The following GTF3C5 variants were observed in gnomAD, a reference collection of about 807,000 sequenced individuals.
GTF3C5 encodes the protein general transcription factor IIIC subunit 5, also known as general transcription factor 3C polypeptide 5.
A neutral mutation model predicts 61.0 loss-of-function variants in GTF3C5; 47 were observed. The observed-to-expected ratio is 0.77, with a 90% CI of 0.61 to 0.98. GTF3C5 has a LOEUF of 0.98. Ranked by LOEUF, GTF3C5 falls within the 50% of genes least tolerant of loss-of-function variation. GTF3C5 has a pLI of 0.00. For synonymous variants in GTF3C5, 295 were observed against 275.4 expected (o/e 1.07, Z -0.71); for missense variants, 659 against 703.3 (o/e 0.94, Z 0.71).
chr9:133,034,844 A>T (rs1849821371), intron 1 of GTF3C5, among the ~76,000 whole-genome samples: 1 of 152,234 alleles, frequency 6.6e-6, no homozygotes, highest in African/African-American at 2.4e-5. Context: ...TCTTTGTTTC[A>T]AACGTAGCAA....
chr9:133,045,282 A>G (rs929879895), intron 3 of GTF3C5, among the ~76,000 whole-genome samples: 2 of 152,032 alleles, frequency 1.3e-5, no homozygotes, highest in Non-Finnish European at 2.9e-5. Flanking sequence ...TGACACCCCC[A>G]TCGTACACAT....
chr9:133,046,525 A>G (rs180849462), intron 3 of GTF3C5, among the ~76,000 whole-genome samples: 1 of 152,266 alleles, frequency 6.6e-6, no homozygotes, highest in African/African-American at 2.4e-5. Context: ...TTTTCTTTGA[A>G]GGGGTGGGAG....
At chr9:133,042,411 T>G in intron 2 of GTF3C5, 105 bp downstream of exon 2, 1 of 781,846 alleles carries the variant, frequency 1.3e-6, no homozygotes, top group Non-Finnish European at 2.2e-6. Flanking sequence ...GGGGCCAGGA[T>G]ATGCCCAGGG....
upstream of GTF3C5, chr9:133,030,902 A>T: frequency 7.9e-7 from 1 of 1,268,778 alleles, no homozygotes; most frequent in African/African-American, 1.5e-5. Flanking sequence ...AGTTAGGATG[A>T]CGCGAGCGGT....
chr9:133,050,407 T>C (rs1302078725), intron 3 of GTF3C5, among the ~76,000 whole-genome samples: 2 of 152,256 alleles, frequency 1.3e-5, no homozygotes, highest in East Asian at 3.8e-4. Context: ...TGCTGGACAT[T>C]AGACTCTGTC....
rs1377902139 is a variant in GTF3C5 at position 133,054,005 on chromosome 9, TTC to T, written c.988+67_988+68del. 3 of 1,037,088 alleles carry T rather than the reference TTC, an allele frequency of 2.9e-6. No individual in the cohort carries two copies. In the African/African-American group the frequency reaches 4.8e-5, roughly 17 times the overall value. 64.2% of individuals were successfully genotyped at this position (1,037,088 alleles called of 1,614,324 possible). On this transcript the variant is annotated intron_variant, in intron 6 of 10. Transcript: ENST00000372097. ...TCTCTTTATCTTTCAGTTTCTAGCATTCTCTTTTGTAGTAAGAATCTTTTCAT... is the reference window on the plus strand; with the variant it reads ...TCTCTTTATCTTTCAGTTTCTAGCATTCTTTTGTAGTAAGAATCTTTTCAT...
At chr9:133,032,369 G>GAGCGATTTCGGTGGGAAGACTA (rs1480035109) in intron 1 of GTF3C5, among the ~76,000 whole-genome samples, 6 of 152,178 alleles carry the variant, frequency 3.9e-5, no homozygotes, top group African/African-American at 1.4e-4. Context: ...GTGACGGGAC[G>GAGCGATTTCGGTGGGAAGACTA]AGCGATTTCG....
upstream of GTF3C5, chr9:133,030,882 G>A (rs544572858): frequency 8.0e-5 from 88 of 1,094,508 alleles, 2 homozygotes; most frequent in South Asian, 1.1e-3. Context: ...GCGTCTTGCT[G>A]AGCCCGGGGA....
intron 3 of GTF3C5, among the ~76,000 whole-genome samples, chr9:133,048,110 C>T (rs1564200601): frequency 6.6e-6 from 1 of 151,730 alleles, no homozygotes; most frequent in Non-Finnish European, 1.5e-5. Context: ...GCCTGGGTGA[C>T]AGAGTGGGAC....
At chr9:133,043,996 C>A (rs1034408959) in intron 3 of GTF3C5, 70 bp downstream of exon 3, 3 of 1,146,210 alleles carry the variant, frequency 2.6e-6, no homozygotes, top group Non-Finnish European at 3.9e-6. Flanking sequence ...CGGAGGCTCA[C>A]ACACTGGGCG....
At chr9:133,056,648 G>T in intron 9 of GTF3C5, 118 bp from the exon 10 acceptor site, 1 of 941,598 alleles carries the variant, frequency 1.1e-6, no homozygotes, top group Non-Finnish European at 1.5e-6. Context: ...TGTAGACTTC[G>T]CTCACGGGGC....
At chr9:133,030,910 G>T, upstream of GTF3C5, 1 of 1,338,158 alleles carries the variant, frequency 7.5e-7, no homozygotes, top group Non-Finnish European at 1.1e-6. Context: ...TGACGCGAGC[G>T]GTGAGGGAGC....
intron 3 of GTF3C5, among the ~76,000 whole-genome samples, chr9:133,044,993 A>C (rs1363697208): frequency 6.6e-6 from 1 of 151,956 alleles, no homozygotes; most frequent in African/African-American, 2.4e-5. Context: ...GGTTCTTGAC[A>C]TAATTAGAGA....
At chr9:133,046,688 C>T (rs1278026002) in intron 3 of GTF3C5, among the ~76,000 whole-genome samples, 1 of 152,130 alleles carries the variant, frequency 6.6e-6, no homozygotes, top group Non-Finnish European at 1.5e-5. Context: ...GAGTACATGG[C>T]TGGGAGCCTT....
rs373718885 is a variant in GTF3C5, at chr9:133,056,789, A to C, written c.1274A>C (p.Asn425Thr). ...VEELQKIIHR[N>T]DGAENSCTER... ...AGGTTGCAGAAGATCATTCACCGCAATGACGGGGCAGAGAATTCCTGCACA... is the reference window on the plus strand; with the variant it reads ...AGGTTGCAGAAGATCATTCACCGCACTGACGGGGCAGAGAATTCCTGCACA... The change falls in exon 10 of 11, where the codon AAT becomes ACT. Residue 425 changes from asparagine to threonine, a missense_variant. Coordinates refer to ENST00000372097, the MANE Select transcript of GTF3C5 (RefSeq NM_012087.4). The C allele has an allele frequency of 6.2e-7, 1 of 1,608,232 alleles. No individual in the cohort carries two copies. Among genetic ancestry groups the C allele is most frequent in the African/African-American group, 1.3e-5 (1 of 74,708 alleles).
At chr9:133,048,878 G>A (rs1220135145) in intron 3 of GTF3C5, among the ~76,000 whole-genome samples, 1 of 152,170 alleles carries the variant, frequency 6.6e-6, no homozygotes, top group African/African-American at 2.4e-5. Flanking sequence ...GAAAGAACCT[G>A]CATTTTCTCC....
At chr9:133,044,040 G>A in intron 3 of GTF3C5, 114 bp downstream of exon 3, 2 of 734,642 alleles carry the variant, frequency 2.7e-6, no homozygotes, top group Non-Finnish European at 4.5e-6. Flanking sequence ...AGCTACTCGG[G>A]AGGCTGAGGC....
At chr9:133,050,583 T>C (rs950698556) in intron 3 of GTF3C5, among the ~76,000 whole-genome samples, 200 bp from the exon 4 acceptor site, 2 of 152,204 alleles carry the variant, frequency 1.3e-5, no homozygotes, top group African/African-American at 2.4e-5. Context: ...TCATAGGCAG[T>C]TGTGGCTGCG....
chr9:133,042,862 G>T (rs1850079838), intron 2 of GTF3C5, among the ~76,000 whole-genome samples: 1 of 152,198 alleles, frequency 6.6e-6, no homozygotes, highest in African/African-American at 2.4e-5. Flanking sequence ...GTTTCTTTGG[G>T]AGGTGGCTTG....
Sources: gnomAD v4.1 joint callset for allele counts (sites outside exome capture counted in the v4.1 genomes callset) on GRCh38, gnomAD v4.1.1 for gene constraint, MANE v1.5 for transcripts, NCBI Gene and HGNC (gene_info 2026-07-23, HGNC 2026-07-21) for gene names.